NAALADL2: variants seen among roughly 807,000 people sequenced by gnomAD.
NAALADL2 encodes inactive N-acetylated-alpha-linked acidic dipeptidase-like protein 2.
Under a neutral mutation model 87.2 loss-of-function variants are expected in NAALADL2, and 76 were observed. The ratio of observed to expected loss-of-function variants is 0.87; its 90% CI spans 0.72 to 1.05. The LOEUF is 1.05. NAALADL2 is among the 50% of genes least tolerant of loss of function. NAALADL2 has a pLI of 0.00. For missense variants in NAALADL2, 1,089 were observed against 945.8 expected (o/e 1.15, Z -1.99); for synonymous variants, 354 against 331.0 (o/e 1.07, Z -0.75).
chr3:174,614,092 C>G (rs1019841383), intron 2 of NAALADL2, among the ~76,000 whole-genome samples: 7 of 152,154 alleles, frequency 4.6e-5, no homozygotes, highest in African/African-American at 1.7e-4. Context: ...TCGCTTTCCT[C>G]TCCTCAAACA....
At chr3:175,048,284 A>G (rs1239585158) in intron 1 of NAALADL2, among the ~76,000 whole-genome samples, 1 of 152,184 alleles carries the variant, frequency 6.6e-6, no homozygotes, top group Non-Finnish European at 1.5e-5. Context: ...GTTTATACCT[A>G]TTGTGGAAAG....
At chr3:174,596,557 T>C (rs1717932303) in intron 2 of NAALADL2, among the ~76,000 whole-genome samples, 1 of 152,204 alleles carries the variant, frequency 6.6e-6, no homozygotes, top group Non-Finnish European at 1.5e-5. Context: ...AATGAAAATT[T>C]ACTTTTCTAA....
chr3:174,951,978 C>T (rs1427419518), intron 1 of NAALADL2, among the ~76,000 whole-genome samples: 1 of 152,056 alleles, frequency 6.6e-6, no homozygotes, highest in Non-Finnish European at 1.5e-5. Context: ...TACTCTATGC[C>T]TCTGAACATG....
At chr3:175,664,412 T>C (rs1208746159) in intron 11 of NAALADL2, among the ~76,000 whole-genome samples, 1 of 152,124 alleles carries the variant, frequency 6.6e-6, no homozygotes, top group Non-Finnish European at 1.5e-5. Context: ...CTCATGGTTT[T>C]ATTAAAGAGC....
At chr3:175,034,948 A>T (rs2108933767) in intron 1 of NAALADL2, among the ~76,000 whole-genome samples, 1 of 152,166 alleles carries the variant, frequency 6.6e-6, no homozygotes, top group African/African-American at 2.4e-5. Flanking sequence ...AACCTCATTG[A>T]GTGTTTTGTT....
chr3:174,736,686 A>G (rs567690522), intron 2 of NAALADL2, among the ~76,000 whole-genome samples: 1 of 152,176 alleles, frequency 6.6e-6, no homozygotes, highest in South Asian at 2.1e-4. Context: ...GCCTGGAAAA[A>G]GCACCATAGT....
At chr3:174,906,581 G>C (rs1439149353) in intron 1 of NAALADL2, among the ~76,000 whole-genome samples, 1 of 152,088 alleles carries the variant, frequency 6.6e-6, no homozygotes, top group Non-Finnish European at 1.5e-5. Context: ...CTGAGATGCT[G>C]TTTCCAATAG....
intron 3 of NAALADL2, among the ~76,000 whole-genome samples, chr3:174,766,678 T>C (rs1440910309): frequency 6.6e-6 from 1 of 152,120 alleles, no homozygotes; most frequent in Non-Finnish European, 1.5e-5. Context: ...AATTGGAATC[T>C]TTTTATCTGT....
At chr3:175,098,962 T>A (rs1721658160) in intron 2 of NAALADL2, among the ~76,000 whole-genome samples, 1 of 151,982 alleles carries the variant, frequency 6.6e-6, no homozygotes, top group South Asian at 2.1e-4. Flanking sequence ...CATAACCTAG[T>A]CTGCTTCCTT....
At chr3:175,098,895 T>G (rs1366436286) in intron 2 of NAALADL2, among the ~76,000 whole-genome samples, 76 of 44,716 alleles carry the variant, frequency 1.7e-3, no homozygotes, top group Admixed American at 0.013. Context: ...AATTATGTGT[T>G]TTTTTTTTTT....
intron 2 of NAALADL2, among the ~76,000 whole-genome samples, chr3:174,580,624 T>A (rs1318675427): frequency 6.6e-6 from 1 of 152,136 alleles, no homozygotes; most frequent in Non-Finnish European, 1.5e-5. Context: ...CTTTCTAGAA[T>A]TTGATATCAA....
intron 2 of NAALADL2, among the ~76,000 whole-genome samples, chr3:175,223,510 A>T (rs1202022596): frequency 3.3e-5 from 5 of 152,084 alleles, no homozygotes; most frequent in African/African-American, 1.2e-4. Flanking sequence ...TAGATACCAC[A>T]TATTCTTTAC....
At chr3:174,850,460 G>T (rs1242623640) in intron 3 of NAALADL2, among the ~76,000 whole-genome samples, 1 of 152,086 alleles carries the variant, frequency 6.6e-6, no homozygotes, top group Non-Finnish European at 1.5e-5. Flanking sequence ...AACCAAAAAA[G>T]AGCAGGACTG....
At chr3:174,924,016 A>G (rs1473934522) in intron 1 of NAALADL2, among the ~76,000 whole-genome samples, 1 of 152,142 alleles carries the variant, frequency 6.6e-6, no homozygotes, top group African/African-American at 2.4e-5. Context: ...AGAAGGAGAA[A>G]AACACATAAT....
At position 175,468,739 on chromosome 3, in the gene NAALADL2, A is replaced by C. The variant is rs191215084; in HGVS notation, c.1533+1555A>C. 3.1e-4 allele frequency among the ~76,000 whole-genome samples: 47 copies of C among 152,180 alleles called. 1 individual carries two copies. In the East Asian group the frequency reaches 9.1e-3, roughly 29 times the overall value. ...GGCTTGTCTAAATTAATAGTTTCTA[A>C]GGTAAACATCTCAAACCCCAATGCA... On this transcript the variant is annotated intron_variant, in intron 8 of 13. Transcript: ENST00000454872.
intron 4 of NAALADL2, among the ~76,000 whole-genome samples, chr3:175,318,048 TAAC>T (rs1026396812): frequency 2.0e-5 from 3 of 152,126 alleles, no homozygotes; most frequent in African/African-American, 7.2e-5. Context: ...TTATTTTAAT[TAAC>T]AAATTAAAAA....
At chr3:174,994,593 T>A (rs531108476) in intron 1 of NAALADL2, among the ~76,000 whole-genome samples, 144 of 152,270 alleles carry the variant, frequency 9.5e-4, no homozygotes, top group Non-Finnish European at 1.8e-3. Context: ...ATTAAACTCT[T>A]TTATTCTTTT....
intron 5 of NAALADL2, among the ~76,000 whole-genome samples, chr3:175,338,234 G>A (rs1459481540): frequency 6.6e-6 from 1 of 152,028 alleles, no homozygotes; most frequent in Non-Finnish European, 1.5e-5. Flanking sequence ...CCTAAGAGAG[G>A]ATATGGCCTA....
intron 1 of NAALADL2, among the ~76,000 whole-genome samples, chr3:175,075,795 C>G (rs962549519): frequency 6.6e-6 from 1 of 152,028 alleles, no homozygotes; most frequent in Non-Finnish European, 1.5e-5. Flanking sequence ...CAACTGACAC[C>G]TGAACTATGG....
Sources: gnomAD v4.1 joint callset for allele counts (sites outside exome capture counted in the v4.1 genomes callset) on GRCh38, gnomAD v4.1.1 for gene constraint, MANE v1.5 for transcripts, NCBI Gene and HGNC (gene_info 2026-07-23, HGNC 2026-07-21) for gene names.